The following KCTD16 variants were observed in gnomAD, a reference collection of about 807,000 sequenced individuals.
KCTD16 encodes the protein potassium channel tetramerization domain containing 16.
In KCTD16, 13 loss-of-function variants were observed where a neutral mutation model predicts 33.2. The ratio of observed to expected loss-of-function variants is 0.39; its 90% CI spans 0.25 to 0.62. KCTD16 has a LOEUF of 0.62. Ranked by LOEUF, KCTD16 falls within the 20% of genes least tolerant of loss-of-function variation. KCTD16 has a pLI of 0.50. For synonymous variants in KCTD16, 197 were observed against 195.3 expected (o/e 1.01, Z -0.07); for missense variants, 441 against 525.1 (o/e 0.84, Z 1.57).
chr5:144,179,997 C>T (rs1368519032), intron 2 of KCTD16, among the ~76,000 whole-genome samples: 1 of 152,226 alleles, frequency 6.6e-6, no homozygotes, highest in Non-Finnish European at 1.5e-5. Flanking sequence ...AGTCCTCTGC[C>T]TGGAGAAATG....
chr5:144,277,945 G>T (rs1164603956), intron 3 of KCTD16, among the ~76,000 whole-genome samples: 1 of 152,124 alleles, frequency 6.6e-6, no homozygotes. Flanking sequence ...TGTTGGGTAT[G>T]TTATTTGTGG....
At chr5:144,236,268 A>T (rs1754250827) in intron 3 of KCTD16, among the ~76,000 whole-genome samples, 1 of 152,198 alleles carries the variant, frequency 6.6e-6, no homozygotes, top group Admixed American at 6.5e-5. Context: ...GGATAACATT[A>T]GGAAAAGCTC....
At chr5:144,418,288 G>C (rs182379015) in intron 3 of KCTD16, among the ~76,000 whole-genome samples, 4 of 152,168 alleles carry the variant, frequency 2.6e-5, no homozygotes, top group Non-Finnish European at 4.4e-5. Flanking sequence ...GGTTGCCAAC[G>C]GGGATTCTGG....
intron 3 of KCTD16, among the ~76,000 whole-genome samples, chr5:144,458,013 T>G (rs1374029580): frequency 6.6e-6 from 1 of 152,192 alleles, no homozygotes; most frequent in Non-Finnish European, 1.5e-5. Flanking sequence ...GAATTTCCAT[T>G]TCACATTTTA....
chr5:144,329,784 T>C (rs1752305955), intron 3 of KCTD16, among the ~76,000 whole-genome samples: 1 of 152,190 alleles, frequency 6.6e-6, no homozygotes, highest in Non-Finnish European at 1.5e-5. Flanking sequence ...CAGAATACTT[T>C]CACATATATC....
At chr5:144,251,067 A>T (rs1403746827) in intron 3 of KCTD16, among the ~76,000 whole-genome samples, 2 of 152,214 alleles carry the variant, frequency 1.3e-5, no homozygotes, top group Non-Finnish European at 2.9e-5. Context: ...TTCAGGATGT[A>T]TGGGGAAGTG....
Position 144,396,934 on chromosome 5 carries a change from T to TATA in KCTD16, c.833-76726_833-76725insATA, listed in dbSNP as rs1580930226. 4.7e-5 allele frequency among the ~76,000 whole-genome samples: 6 copies of TATA among 126,856 alleles called. No homozygotes were observed. In the South Asian group the frequency reaches 1.5e-3, roughly 32 times the overall value. The allele number at this position is 126,856 out of a possible 152,430, so 83.2% of individuals were successfully genotyped here. ...TTATTATATATATATATATATATAT[T>TATA]TTATTATACTTTAAGTTCTAGGGTA... On this transcript the variant is annotated intron_variant, in intron 3 of 3. Coordinates refer to ENST00000512467, the MANE Select transcript of KCTD16 (RefSeq NM_020768.4).
intron 3 of KCTD16, among the ~76,000 whole-genome samples, chr5:144,353,093 T>A (rs1751482984): frequency 6.6e-6 from 1 of 152,206 alleles, no homozygotes. Flanking sequence ...GTTTGCCACC[T>A]GCTGCTGCCA....
intron 2 of KCTD16, among the ~76,000 whole-genome samples, chr5:144,176,787 A>G (rs1321641665): frequency 6.6e-6 from 1 of 152,118 alleles, no homozygotes; most frequent in Non-Finnish European, 1.5e-5. Flanking sequence ...TGCAAGCGTG[A>G]TATATTATGG....
intron 3 of KCTD16, among the ~76,000 whole-genome samples, chr5:144,394,922 A>G (rs921936281): frequency 6.6e-6 from 1 of 152,192 alleles, no homozygotes; most frequent in South Asian, 2.1e-4. Flanking sequence ...ACCAAATAAC[A>G]CTAGAAGGTC....
At chr5:144,462,536 T>TA (rs982600022) in intron 3 of KCTD16, among the ~76,000 whole-genome samples, 1 of 51,530 alleles carries the variant, frequency 1.9e-5, no homozygotes, top group Non-Finnish European at 4.0e-5. Context: ...GAGCTATTAT[T>TA]TTTTTTTTTG....
chr5:144,442,686 A>G (rs1753739496), intron 3 of KCTD16, among the ~76,000 whole-genome samples: 1 of 151,582 alleles, frequency 6.6e-6, no homozygotes, highest in Admixed American at 6.6e-5. Context: ...ATTCTTCACC[A>G]AGATCTCCAT....
chr5:144,362,105 A>G (rs1395266211), intron 3 of KCTD16, among the ~76,000 whole-genome samples: 1 of 152,160 alleles, frequency 6.6e-6, no homozygotes, highest in East Asian at 1.9e-4. Flanking sequence ...CCATTCACTC[A>G]TTCACTCAGT....
Position 144,484,136 on chromosome 5 carries a change from A to G in KCTD16, c.*10022A>G, listed in dbSNP as rs1231764523. The G allele has an allele frequency of 6.6e-6, 1 of 151,954 alleles. No homozygotes were observed. The highest frequency in any genetic ancestry group is 1.5e-5 in the Non-Finnish European group (1 of 67,922). 9.4% of individuals were successfully genotyped at this position (151,954 alleles called of 1,614,324 possible). On this transcript the variant is annotated 3_prime_UTR_variant, in exon 4 of 4. Coordinates refer to ENST00000512467, the MANE Select transcript of KCTD16 (RefSeq NM_020768.4). ...AATATACTGCTTAGTTTAGAGACGG[A>G]CAAACTAATGTATTTTTGTAAATCA...
intron 3 of KCTD16, among the ~76,000 whole-genome samples, chr5:144,312,237 T>TA (rs1377774491): frequency 1.3e-5 from 2 of 152,208 alleles, no homozygotes; most frequent in Non-Finnish European, 2.9e-5. Flanking sequence ...TTATACGTGT[T>TA]ACTCTGCCGT....
intron 3 of KCTD16, among the ~76,000 whole-genome samples, chr5:144,404,265 C>G (rs548671714): frequency 6.6e-6 from 1 of 152,248 alleles, no homozygotes; most frequent in Non-Finnish European, 1.5e-5. Context: ...TATGAACTGA[C>G]TTGGAATCAT....
intron 2 of KCTD16, among the ~76,000 whole-genome samples, chr5:144,201,003 C>T (rs1193134402): frequency 6.6e-6 from 1 of 152,234 alleles, no homozygotes; most frequent in African/African-American, 2.4e-5. Flanking sequence ...ACATCATCCT[C>T]CCAAAGTGCT....
At chr5:144,369,663 A>G (rs562358348) in intron 3 of KCTD16, among the ~76,000 whole-genome samples, 1 of 152,190 alleles carries the variant, frequency 6.6e-6, no homozygotes, top group African/African-American at 2.4e-5. Flanking sequence ...ACACATTGTT[A>G]TAAGGAAATA....
chr5:144,408,026 T>G (rs1752850333), intron 3 of KCTD16, among the ~76,000 whole-genome samples: 3 of 152,120 alleles, frequency 2.0e-5, no homozygotes. Flanking sequence ...GTCTTTATAG[T>G]AGAAGGATTT....
Sources: gnomAD v4.1 joint callset for allele counts (sites outside exome capture counted in the v4.1 genomes callset) on GRCh38, gnomAD v4.1.1 for gene constraint, MANE v1.5 for transcripts, NCBI Gene and HGNC (gene_info 2026-07-23, HGNC 2026-07-21) for gene names.